CCAR1: variants seen among roughly 807,000 people sequenced by gnomAD.
The protein encoded by CCAR1 is cell division cycle and apoptosis regulator 1.
A neutral mutation model predicts 163.8 loss-of-function variants in CCAR1; 78 were observed. That is an observed-to-expected ratio of 0.48 (90% CI 0.40 to 0.57). CCAR1 has a LOEUF of 0.57. Among genes scored for constraint, CCAR1 ranks in the 20% least tolerant of loss-of-function variants. The pLI, the probability that CCAR1 is intolerant of heterozygous loss-of-function variation, is 0.00. For missense variants in CCAR1, 1,019 were observed against 1,365.2 expected, an observed-to-expected ratio of 0.75 and a Z score of 4.00; for synonymous variants, 443 against 460.7, an observed-to-expected ratio of 0.96 and a Z score of 0.49.
chr10:68,740,136 G>GAT (rs1050000443), intron 4 of CCAR1, among the ~76,000 whole-genome samples: 3 of 152,128 alleles, frequency 2.0e-5, no homozygotes, highest in African/African-American at 7.2e-5. Flanking sequence ...GCATATTGAT[G>GAT]ATATTGAGTC....
chr10:68,758,540 GTGTGTA>G (rs1191477309), intron 15 of CCAR1, among the ~76,000 whole-genome samples: 12 of 142,896 alleles, frequency 8.4e-5, no homozygotes, highest in Non-Finnish European at 1.6e-4. Context: ...GTGTGTGTGT[GTGTGTA>G]TACAGTGTAT....
chr10:68,765,884 T>G lies in CCAR1; in HGVS notation c.2107-4T>G, dbSNP rs1388779331. On this transcript the variant is annotated splice_polypyrimidine_tract_variant and splice_region_variant and intron_variant, in intron 16 of 24. Coordinates refer to ENST00000265872, the MANE Select transcript of CCAR1 (RefSeq NM_018237.4). ...AACCTTGACTTGAAATTTGAAATATTTAGGAAGAAGAAAGGAAACGTCAAG... is the reference window on the plus strand; with the variant it reads ...AACCTTGACTTGAAATTTGAAATATGTAGGAAGAAGAAAGGAAACGTCAAG... 1 of 1,608,080 alleles carries G rather than the reference T, an allele frequency of 6.2e-7. No homozygotes were observed. The highest frequency in any genetic ancestry group is 8.5e-7 in the Non-Finnish European group (1 of 1,176,432).
rs11542601 is a variant in CCAR1, at chr10:68,761,189, A to G, written c.2103A>G (p.Lys701=). 6.3e-7 allele frequency: 1 copy of G among 1,589,946 alleles called. No individual in the cohort carries two copies. The change falls in exon 16 of 25, where the codon AAA becomes AAG. Residue 701 remains lysine, a synonymous_variant. Coordinates refer to ENST00000265872, the MANE Select transcript of CCAR1 (RefSeq NM_018237.4). ...ATGATAGGAAATCTGAAGACGATAA[A>G]GAGGTATGTACTCAATCTATTATTA... The part of the protein sequence containing the change: ...EDDDRKSEDD[K]EEEERKRQEE...
At chr10:68,725,775 T>C (rs1791095368) in intron 2 of CCAR1, among the ~76,000 whole-genome samples, 2 of 152,160 alleles carry the variant, frequency 1.3e-5, no homozygotes, top group African/African-American at 4.8e-5. Flanking sequence ...ACTTCAGTGT[T>C]CCAAAATTTG....
chr10:68,751,592 G>A (rs936185252), intron 10 of CCAR1, among the ~76,000 whole-genome samples: 5 of 152,084 alleles, frequency 3.3e-5, no homozygotes, highest in South Asian at 4.1e-4. Context: ...GCCAGGTGCA[G>A]TGGCTGACGC....
At chr10:68,780,631 C>A (rs1040807551) in intron 19 of CCAR1, among the ~76,000 whole-genome samples, 2 of 152,180 alleles carry the variant, frequency 1.3e-5, no homozygotes, top group Non-Finnish European at 2.9e-5. Flanking sequence ...TAGTGCCTTA[C>A]GCCAAGCAAG....
intron 2 of CCAR1, among the ~76,000 whole-genome samples, chr10:68,724,198 C>T (rs1189278938): frequency 6.8e-6 from 1 of 148,010 alleles, no homozygotes; most frequent in African/African-American, 2.5e-5. Context: ...TGAGGTGTCT[C>T]ATGCCTGTAA....
chr10:68,723,182 C>T (rs10998402), intron 2 of CCAR1, among the ~76,000 whole-genome samples: 6 of 150,710 alleles, frequency 4.0e-5, no homozygotes, highest in South Asian at 4.2e-4. Context: ...AGTGCAGTGA[C>T]GCAATCTCAG....
Position 68,761,075 on chromosome 10 carries a change from A to G in CCAR1, c.1989A>G (p.Ile663Met). 6.2e-7 allele frequency: 1 copy of G among 1,610,204 alleles called. No individual in the cohort carries two copies. The highest frequency in any genetic ancestry group is 8.5e-7 in the Non-Finnish European group (1 of 1,178,084). The change falls in exon 16 of 25, where the codon ATA becomes ATG. Residue 663 changes from isoleucine (I) to methionine (M), a missense_variant. By Grantham distance (10) the Ile-to-Met change is conservative (BLOSUM62 1). Coordinates refer to ENST00000265872, the MANE Select transcript of CCAR1 (RefSeq NM_018237.4). ...CCAAAGGATTAAAATCCCAGTTAATAGCCCGATTGACAAAACAGCTTAAAG... is the reference window on the plus strand; with the variant it reads ...CCAAAGGATTAAAATCCCAGTTAATGGCCCGATTGACAAAACAGCTTAAAG... Reference protein sequence around the residue: ...LSSKGLKSQLIARLTKQLKVE... With the variant: ...LSSKGLKSQLMARLTKQLKVE...
chr10:68,761,219 CTA>C, intron 16 of CCAR1, 27 bp downstream of exon 16: 1 of 1,386,832 alleles, frequency 7.2e-7, no homozygotes, highest in Non-Finnish European at 9.8e-7. Context: ...TTATTATACT[CTA>C]TGGTATTAAT....
intron 4 of CCAR1, among the ~76,000 whole-genome samples, chr10:68,739,363 C>G (rs939305986): frequency 6.6e-6 from 1 of 152,060 alleles, no homozygotes; most frequent in Non-Finnish European, 1.5e-5. Flanking sequence ...GTTGGCCAAG[C>G]TGGTCTCGAA....
Position 68,740,676 on chromosome 10 carries a change from CTTTA to C in CCAR1, c.324+19_324+22del, listed in dbSNP as rs1377417231. The C allele has an allele frequency of 6.9e-6, 11 of 1,600,096 alleles. No homozygotes were observed. Among genetic ancestry groups the C allele is most frequent in the Middle Eastern group, 1.7e-4 (1 of 6,050 alleles). On this transcript the variant is annotated intron_variant, in intron 5 of 24. Coordinates refer to ENST00000265872, the MANE Select transcript of CCAR1 (RefSeq NM_018237.4). ...TCTTAACACAGGTTAGTTGGTATTA[CTTTA>C]TTTGTTTTGGATGTCTGAATGAACA...
intron 15 of CCAR1, among the ~76,000 whole-genome samples, chr10:68,760,592 G>A (rs562411954): frequency 3.3e-5 from 5 of 152,236 alleles, no homozygotes; most frequent in African/African-American, 1.2e-4. Context: ...CGAAAGGCTG[G>A]GCGTGGTGGC....
intron 19 of CCAR1, among the ~76,000 whole-genome samples, chr10:68,784,835 GA>G (rs1457795888): frequency 9.2e-5 from 14 of 151,422 alleles, no homozygotes; most frequent in Non-Finnish European, 1.9e-4. Flanking sequence ...AGTGTTTTTA[GA>G]AATAAAGTAT....
At chr10:68,738,446 T>C (rs1589158424) in intron 4 of CCAR1, among the ~76,000 whole-genome samples, 1 of 151,894 alleles carries the variant, frequency 6.6e-6, no homozygotes, top group African/African-American at 2.4e-5. Flanking sequence ...AATAAAAAAG[T>C]ATGCAGAGAA....
At chr10:68,748,700 G>C (rs2056291797) in intron 8 of CCAR1, among the ~76,000 whole-genome samples, 2 of 152,002 alleles carry the variant, frequency 1.3e-5, no homozygotes, top group South Asian at 4.2e-4. Flanking sequence ...ATGATGCCCA[G>C]GCTGCATTTT....
At chr10:68,764,881 A>T (rs530588273) in intron 16 of CCAR1, among the ~76,000 whole-genome samples, 152 of 152,300 alleles carry the variant, frequency 1.0e-3, no homozygotes, top group African/African-American at 3.6e-3. Context: ...TTCATCATCT[A>T]CAGGGATGTA....
chr10:68,728,300 AT>A (rs34518553), intron 2 of CCAR1, among the ~76,000 whole-genome samples: 15,491 of 146,912 alleles, frequency 0.11, 940 homozygotes, highest in South Asian at 0.16. Flanking sequence ...TCATTTTTTG[AT>A]TTTTTTTTTT....
In CCAR1 at chr10:68,788,033, A is replaced by G. The variant is rs1361601167; in HGVS notation, c.2987A>G (p.Gln996Arg). 1 of 1,605,896 alleles carries G rather than the reference A, an allele frequency of 6.2e-7. No homozygotes were observed. The highest frequency in any genetic ancestry group is 8.5e-7 in the Non-Finnish European group (1 of 1,177,658). ...AACCATGAAGAGTCTGAGTCATTGCAGGAAGATATGCTAGGTCTGAGTAAT... is the reference window on the plus strand; with the variant it reads ...AACCATGAAGAGTCTGAGTCATTGCGGGAAGATATGCTAGGTCTGAGTAAT... ...EENHEESESL[Q>R]EDMLGNRLLL... The change falls in exon 22 of 25, where the codon CAG becomes CGG. Residue 996 changes from glutamine (Q) to arginine (R), a missense_variant. Coordinates refer to ENST00000265872, the MANE Select transcript of CCAR1 (RefSeq NM_018237.4).
Sources: gnomAD v4.1 joint callset for allele counts (sites outside exome capture counted in the v4.1 genomes callset) on GRCh38, gnomAD v4.1.1 for gene constraint, MANE v1.5 for transcripts, NCBI Gene and HGNC (gene_info 2026-07-23, HGNC 2026-07-21) for gene names.